The following SDK1 variants were observed in gnomAD, a reference collection of about 807,000 sequenced individuals.
The protein encoded by SDK1 is protein sidekick-1.
A neutral mutation model predicts 245.5 loss-of-function variants in SDK1; 157 were observed. That is an observed-to-expected ratio of 0.64 (90% CI 0.56 to 0.73). SDK1 has a LOEUF of 0.73. Ranked by LOEUF, SDK1 falls within the 30% of genes least tolerant of loss-of-function variation. The probability of loss-of-function intolerance (pLI) is 0.00; values close to 1 mark genes in which losing one functional copy is unlikely to be tolerated. For missense variants in SDK1, 3,583 were observed against 3,002.3 expected, an observed-to-expected ratio of 1.19 and a Z score of -4.52; for synonymous variants, 1,647 against 1,278.5, an observed-to-expected ratio of 1.29 and a Z score of -6.15.
At chr7:3,735,495 G>C (rs745694544) in intron 4 of SDK1, among the ~76,000 whole-genome samples, 5 of 152,194 alleles carry the variant, frequency 3.3e-5, no homozygotes, top group Non-Finnish European at 5.9e-5. Context: ...GCGTGTGTCA[G>C]AACTTCCCAT....
In SDK1 at chr7:3,971,469, G is replaced by A. The variant is rs1180793187; in HGVS notation, c.1718G>A (p.Arg573Gln). 34 of 1,609,740 alleles carry A rather than the reference G, an allele frequency of 2.1e-5. No individual in the cohort carries two copies. Among genetic ancestry groups the A allele is most frequent in the East Asian group, 1.8e-4 (8 of 44,852 alleles). ...NASATLTVWN[R>Q]TSIVHPPEDH... is the part of the protein sequence containing the mutation. ...TCGTGACTTGTGTTTTTTTCAGATCGGACGTCCATCGTCCACCCTCCTGAG... is the reference window on the plus strand; with the variant it reads ...TCGTGACTTGTGTTTTTTTCAGATCAGACGTCCATCGTCCACCCTCCTGAG... The change falls in exon 12 of 45, where the codon CGG (arginine) becomes CAG (glutamine). Residue 573 changes from arginine to glutamine, a missense_variant. Physicochemically the swap from Arg to Gln is conservative, Grantham distance 43 (BLOSUM62 1). Coordinates refer to ENST00000404826, the MANE Select transcript of SDK1 (RefSeq NM_152744.4).
At chr7:4,081,603 A>G (rs1781063147) in intron 22 of SDK1, among the ~76,000 whole-genome samples, 1 of 151,946 alleles carries the variant, frequency 6.6e-6, no homozygotes, top group Non-Finnish European at 1.5e-5. Context: ...GTATTTTAGT[A>G]GAGACGGGGT....
intron 2 of SDK1, among the ~76,000 whole-genome samples, chr7:3,630,801 G>T (rs989761100): frequency 2.0e-5 from 3 of 152,076 alleles, no homozygotes; most frequent in Non-Finnish European, 4.4e-5. Context: ...ATATCTGAAG[G>T]CTTAGTATTA....
rs370509947 is a variant in SDK1, at chr7:4,186,705, C to T, written c.5098+8119C>T. ...GCTGCTCCAGCTTCCTAGGGAGAGA[C>T]CAGAAGCCCCCAGCCCACCTCACTA... is the stretch of plus-strand genomic sequence containing the variant. On this transcript the variant is annotated intron_variant, in intron 35 of 44. Transcript: ENST00000404826. Among the ~76,000 whole-genome samples the T allele has an allele frequency of 1.7e-3, 258 of 152,234 alleles. 1 individual carries two copies. Among genetic ancestry groups the T allele is most frequent in the African/African-American group, 5.8e-3 (241 of 41,548 alleles).
At chr7:3,835,659 C>T (rs972122157) in intron 5 of SDK1, among the ~76,000 whole-genome samples, 4 of 152,162 alleles carry the variant, frequency 2.6e-5, no homozygotes, top group African/African-American at 7.2e-5. Context: ...TCTGTGCATT[C>T]AGAAATGCAT....
At chr7:3,918,064 A>G (rs1189002401) in intron 5 of SDK1, among the ~76,000 whole-genome samples, 2 of 152,154 alleles carry the variant, frequency 1.3e-5, no homozygotes, top group African/African-American at 4.8e-5. Context: ...GGTAGACAAA[A>G]CAGAGGAACC....
At chr7:4,178,394 TCCTTG>T (rs1336666021) in intron 34 of SDK1, 86 bp from the exon 35 acceptor site, 1 of 910,138 alleles carries the variant, frequency 1.1e-6, no homozygotes, top group African/African-American at 1.6e-5. Context: ...TGGAGGGTGC[TCCTTG>T]CTTCATTGTG....
chr7:3,497,294 G>T (rs1040525424), intron 1 of SDK1, among the ~76,000 whole-genome samples: 3 of 152,186 alleles, frequency 2.0e-5, no homozygotes, highest in Non-Finnish European at 4.4e-5. Flanking sequence ...TAAAATGTAC[G>T]CAAGGGGACT....
At chr7:3,957,893 G>C in intron 7 of SDK1, 2 of 455,978 alleles carry the variant, frequency 4.4e-6, no homozygotes, top group Non-Finnish European at 8.9e-6. Flanking sequence ...CGGAGTGGTT[G>C]ATTCAGGCAG....
chr7:3,511,143 A>G (rs1016807045), intron 1 of SDK1, among the ~76,000 whole-genome samples: 1 of 152,214 alleles, frequency 6.6e-6, no homozygotes, highest in Non-Finnish European at 1.5e-5. Flanking sequence ...AAAGGAACCA[A>G]GGACGACTCC....
chr7:3,913,362 C>T (rs1366698681), intron 5 of SDK1, among the ~76,000 whole-genome samples: 1 of 148,478 alleles, frequency 6.7e-6, no homozygotes, highest in Non-Finnish European at 1.5e-5. Context: ...GGCACGATCT[C>T]GGCTCACTGC....
chr7:4,115,660 A>G (rs1032945922), intron 25 of SDK1, among the ~76,000 whole-genome samples: 2 of 152,178 alleles, frequency 1.3e-5, no homozygotes, highest in Admixed American at 6.5e-5. Context: ...TGGGGAGTCA[A>G]GAGATGGCCA....
At chr7:4,080,490 C>G (rs2091406) in intron 22 of SDK1, among the ~76,000 whole-genome samples, 1 of 152,162 alleles carries the variant, frequency 6.6e-6, no homozygotes, top group Non-Finnish European at 1.5e-5. Context: ...TACTGCAAGA[C>G]GATCCACTCC....
At chr7:3,488,329 C>T (rs1054592406) in intron 1 of SDK1, among the ~76,000 whole-genome samples, 4 of 152,026 alleles carry the variant, frequency 2.6e-5, no homozygotes, top group Admixed American at 6.6e-5. Context: ...TATGCAGCGT[C>T]CTTACTGTCG....
chr7:3,835,259 G>A (rs1018170931), intron 5 of SDK1, among the ~76,000 whole-genome samples: 10 of 152,252 alleles, frequency 6.6e-5, no homozygotes, highest in South Asian at 2.1e-4. Context: ...GATAGAAGGC[G>A]TGTCCACATG....
intron 20 of SDK1, among the ~76,000 whole-genome samples, chr7:4,068,442 A>C (rs1780038076): frequency 6.6e-6 from 1 of 152,152 alleles, no homozygotes; most frequent in Admixed American, 6.5e-5. Context: ...TATGAGGCTT[A>C]CGTGCCTGTG....
chr7:3,985,712 C>T (rs1243976089), intron 13 of SDK1, among the ~76,000 whole-genome samples: 3 of 152,146 alleles, frequency 2.0e-5, no homozygotes, highest in Admixed American at 2.0e-4. Flanking sequence ...ACATCCTGGG[C>T]TCGCATTTAT....
Position 4,113,355 on chromosome 7 carries a change from G to C in SDK1, c.3501G>C (p.Gln1167His). 6.2e-7 allele frequency: 1 copy of C among 1,613,986 alleles called. No individual in the cohort carries two copies. Among genetic ancestry groups the C allele is most frequent in the Non-Finnish European group, 8.5e-7 (1 of 1,180,036 alleles). The change falls in exon 24 of 45, where the codon CAG becomes CAC. Residue 1167 changes from glutamine (Q) to histidine (H), a missense_variant. Transcript: ENST00000404826. ...ACAGTCCGTCTTCCCGGGTCATCCA[G>C]ACCCTGCAGGCCCCACCCGACGTGG... ...SPYSPSSRVIQTLQAPPDVAP... is the reference protein window; with the variant it reads ...SPYSPSSRVIHTLQAPPDVAP...
In SDK1 at chr7:3,502,730, T is replaced by G. The variant is rs544802487; in HGVS notation, c.299-116350T>G. On this transcript the variant is annotated intron_variant, in intron 1 of 44. Coordinates refer to ENST00000404826, the MANE Select transcript of SDK1 (RefSeq NM_152744.4). ...TGTTATTGGGGTACCGTTTGGTATT[T>G]TGCTATGTGTTTACAATGTGGAATG... Among the ~76,000 whole-genome samples, 9 of 152,358 alleles carry G rather than the reference T, an allele frequency of 5.9e-5. 2 individuals are homozygous for G. Among genetic ancestry groups the G allele is most frequent in the African/African-American group, 2.2e-4 (9 of 41,592 alleles).
Sources: allele counts gnomAD v4.1 joint callset (sites outside exome capture counted in the v4.1 genomes callset), GRCh38; gene constraint gnomAD v4.1.1; transcripts MANE v1.5; gene names NCBI Gene and HGNC (gene_info 2026-07-23, HGNC 2026-07-21).